PAK2: variants seen among roughly 807,000 people sequenced by gnomAD.
PAK2 encodes the protein serine/threonine-protein kinase PAK 2.
PAK2 carries 21 observed loss-of-function variants against 65.9 expected under a neutral mutation model. That is an observed-to-expected ratio of 0.32 (90% CI 0.23 to 0.46). PAK2 has a LOEUF of 0.46. PAK2 is among the 20% of genes least tolerant of loss of function. PAK2 has a pLI of 1.00. For missense variants in PAK2, 324 were observed against 642.6 expected, an observed-to-expected ratio of 0.50 and a Z score of 5.36; for synonymous variants, 204 against 219.7, an observed-to-expected ratio of 0.93 and a Z score of 0.63.
At chr3:196,825,285 GC>G (rs1711811834) in intron 13 of PAK2, among the ~76,000 whole-genome samples, 4 of 152,154 alleles carry the variant, frequency 2.6e-5, no homozygotes, top group East Asian at 3.9e-4. Context: ...GGCAGAGGTT[GC>G]CATGTGTTGA....
intron 7 of PAK2, among the ~76,000 whole-genome samples, chr3:196,809,369 A>G (rs1158087698): frequency 5.1e-5 from 1 of 19,574 alleles, no homozygotes; most frequent in Non-Finnish European, 1.0e-4. Context: ...TTTTTTTTTG[A>G]GACAGAGTCT....
chr3:196,786,544 A>AT (rs1714896991), intron 2 of PAK2, among the ~76,000 whole-genome samples: 1 of 151,820 alleles, frequency 6.6e-6, no homozygotes, highest in South Asian at 2.1e-4. Context: ...ATTTTCCTGT[A>AT]TTTTTTCTAT....
In PAK2 at chr3:196,769,544, G is replaced by A. The variant is rs145329552; in HGVS notation, c.-21-13082G>A. Among the ~76,000 whole-genome samples, 66 of 151,926 alleles carry A rather than the reference G, an allele frequency of 4.3e-4. No individual in the cohort carries two copies. In the East Asian group the frequency reaches 0.011, roughly 25 times the overall value. The stretch of plus-strand genomic sequence containing the variant: ...TTCCGCATCCCGGCCAGGCGTGGTG[G>A]CTCACGCCTGTAATCCCAGCGCTTT... On this transcript the variant is annotated intron_variant, in intron 1 of 14. Coordinates refer to ENST00000327134, the MANE Select transcript of PAK2 (RefSeq NM_002577.4).
rs1235261918 is a variant in PAK2 at position 196,791,888 on chromosome 3, G to A, written c.187+9055G>A. On this transcript the variant is annotated intron_variant, in intron 2 of 14. Coordinates refer to ENST00000327134, the MANE Select transcript of PAK2 (RefSeq NM_002577.4). This position sits in a 1 kb window ranked among gnomAD's most constrained non-coding sequence, Gnocchi z 4.0. ...GCAGTGGAGCTGTGATCGCGCCACC[G>A]CACTCCAACCTGGGCGACAGAGCGA... Among the ~76,000 whole-genome samples, 2 of 150,282 alleles carry A rather than the reference G, an allele frequency of 1.3e-5. No individual in the cohort carries two copies. The highest frequency in any genetic ancestry group is 2.5e-5 in the African/African-American group (1 of 40,792).
intron 1 of PAK2, among the ~76,000 whole-genome samples, chr3:196,760,612 T>C (rs993176405): frequency 6.6e-6 from 1 of 152,148 alleles, no homozygotes; most frequent in African/African-American, 2.4e-5. Context: ...GCATCATCCA[T>C]GTGCAGCCGC....
At chr3:196,785,579 A>G (rs1186085324) in intron 2 of PAK2, among the ~76,000 whole-genome samples, 7 of 152,330 alleles carry the variant, frequency 4.6e-5, no homozygotes, top group Admixed American at 4.6e-4. Context: ...TTAATTGACC[A>G]TTCTTGTGTG....
rs115067456 is a variant in PAK2 at position 196,755,788 on chromosome 3, G to A, written c.-22+15631G>A. 1.0e-3 allele frequency among the ~76,000 whole-genome samples: 155 copies of A among 150,560 alleles called. 1 individual carries two copies. Among genetic ancestry groups the A allele is most frequent in the African/African-American group, 3.6e-3 (146 of 40,946 alleles). On this transcript the variant is annotated intron_variant, in intron 1 of 14. Coordinates refer to ENST00000327134, the MANE Select transcript of PAK2 (RefSeq NM_002577.4). ...CTTTTTTTTTTTGAGACGGAGTCTCGCTTTGTTGCCAGCCTGGAGTACAGC... is the reference window on the plus strand; with the variant it reads ...CTTTTTTTTTTTGAGACGGAGTCTCACTTTGTTGCCAGCCTGGAGTACAGC...
chr3:196,801,859 T>C, intron 2 of PAK2, 68 bp from the exon 3 acceptor site: 1 of 797,616 alleles, frequency 1.3e-6, no homozygotes, highest in Non-Finnish European at 2.1e-6. Flanking sequence ...AAAAATAAAA[T>C]TATAAGTGCC....
chr3:196,805,629 A>G (rs1715559783), intron 5 of PAK2, among the ~76,000 whole-genome samples: 1 of 152,136 alleles, frequency 6.6e-6, no homozygotes, highest in African/African-American at 2.4e-5. Context: ...AGTTTTGGTA[A>G]TGTTAACATA....
intron 2 of PAK2, among the ~76,000 whole-genome samples, chr3:196,800,461 T>A (rs1204652587): frequency 6.6e-6 from 1 of 152,170 alleles, no homozygotes; most frequent in Non-Finnish European, 1.5e-5. Context: ...TAGTCAGAAT[T>A]CCAACAGGCT....
At chr3:196,803,745 A>G (rs528454709) in intron 4 of PAK2, among the ~76,000 whole-genome samples, 5 of 152,312 alleles carry the variant, frequency 3.3e-5, no homozygotes, top group South Asian at 2.1e-4. Context: ...CAGTAATGCA[A>G]ATTTTACTTT....
intron 1 of PAK2, among the ~76,000 whole-genome samples, 183 bp downstream of exon 1, chr3:196,740,340 C>T (rs988607742): frequency 6.6e-6 from 1 of 152,156 alleles, no homozygotes; most frequent in Admixed American, 6.5e-5. Flanking sequence ...TGTCTGCTCC[C>T]CAGGGCCGTT....
chr3:196,831,620 T>C lies in PAK2; in HGVS notation c.*3215T>C, dbSNP rs1414518563. On this transcript the variant is annotated 3_prime_UTR_variant, in exon 15 of 15. Coordinates refer to ENST00000327134, the MANE Select transcript of PAK2 (RefSeq NM_002577.4). ...CTAACAAGCGATTCTAAACCACCTA[T>C]GAGTATTTCTTTTAGGGCTCACTTA... The C allele has an allele frequency of 5.3e-5, 8 of 152,208 alleles. No homozygotes were observed. The highest frequency in any genetic ancestry group is 5.2e-4 in the Admixed American group (8 of 15,270). The allele number at this position is 152,208 out of a possible 1,614,324, so 9.4% of individuals were successfully genotyped here.
intron 1 of PAK2, among the ~76,000 whole-genome samples, chr3:196,750,421 A>T (rs1376033005): frequency 4.6e-5 from 7 of 151,904 alleles, no homozygotes; most frequent in Admixed American, 2.6e-4. Flanking sequence ...AACTCTGATG[A>T]TTTCTGTCAT....
At chr3:196,760,495 C>T (rs1713922644) in intron 1 of PAK2, among the ~76,000 whole-genome samples, 3 of 152,144 alleles carry the variant, frequency 2.0e-5, no homozygotes. Context: ...AGGTGAACCG[C>T]CGGCCTCAGC....
At chr3:196,822,668 C>A (rs1382858324) in intron 13 of PAK2, among the ~76,000 whole-genome samples, 1 of 151,986 alleles carries the variant, frequency 6.6e-6, no homozygotes, top group African/African-American at 2.4e-5. Context: ...TCACTGCACT[C>A]CAGCTTGGGT....
Position 196,812,790 on chromosome 3 carries a change from A to G in PAK2, c.874A>G (p.Ile292Val), listed in dbSNP as rs752893704. 6 of 1,583,506 alleles carry G rather than the reference A, an allele frequency of 3.8e-6. No homozygotes were observed. The highest frequency in any genetic ancestry group is 1.3e-5 in the African/African-American group (1 of 74,408). Reference protein sequence around the residue: ...LQKQPKKELIINEILVMKELK... With the variant: ...LQKQPKKELIVNEILVMKELK... ...GAAACAGCCAAAGAAGGAACTGATC[A>G]TTAACGAGATTCTGGTGATGAAAGA... is the stretch of plus-strand genomic sequence containing the variant. Residue 292 changes from isoleucine to valine, a missense_variant, in exon 10 of 15, where the codon ATT becomes GTT. Ile to Val is a conservative substitution (Grantham distance 29). Coordinates refer to ENST00000327134, the MANE Select transcript of PAK2 (RefSeq NM_002577.4).
intron 1 of PAK2, among the ~76,000 whole-genome samples, chr3:196,759,488 GGTTTTTTTTGTTTTTTTT>G (rs1713875817): frequency 2.7e-5 from 3 of 111,112 alleles, no homozygotes; most frequent in African/African-American, 3.7e-5. Context: ...ACAGTTAAGT[GGTTTTTTTTGTTTTTTTT>G]TTTTTTTTTT....
At chr3:196,765,113 G>C (rs1477263631) in intron 1 of PAK2, among the ~76,000 whole-genome samples, 1 of 149,002 alleles carries the variant, frequency 6.7e-6, no homozygotes, top group African/African-American at 2.5e-5. Context: ...CAAAGTGCTG[G>C]GATTACAGGC....
Sources: allele counts gnomAD v4.1 joint callset (sites outside exome capture counted in the v4.1 genomes callset), GRCh38; gene constraint gnomAD v4.1.1; non-coding constraint Gnocchi (gnomAD v3.1); transcripts MANE v1.5; gene names NCBI Gene and HGNC (gene_info 2026-07-23, HGNC 2026-07-21).